The following HEATR3 variants were observed in gnomAD, a reference collection of about 807,000 sequenced individuals.
HEATR3 encodes HEAT repeat containing 3.
Under a neutral mutation model 72.8 loss-of-function variants are expected in HEATR3, and 56 were observed. The observed-to-expected ratio is 0.77, with a 90% CI of 0.62 to 0.96. HEATR3 has a LOEUF of 0.96. HEATR3 is among the 40% of genes least tolerant of loss of function. The probability of loss-of-function intolerance (pLI) is 0.00; values close to 1 mark genes in which losing one functional copy is unlikely to be tolerated. For synonymous variants in HEATR3, 331 were observed against 318.1 expected (o/e 1.04, Z -0.43); for missense variants, 747 against 831.4 (o/e 0.90, Z 1.25).
intron 12 of HEATR3, chr16:50,098,218 A>C (rs375313662): frequency 6.6e-6 from 1 of 152,196 alleles, no homozygotes; most frequent in Non-Finnish European, 1.5e-5. Flanking sequence ...AAAAAGGTAC[A>C]TTGTACCCAA....
At chr16:50,068,389 C>T (rs1308039044) in intron 2 of HEATR3, among the ~76,000 whole-genome samples, 1 of 152,154 alleles carries the variant, frequency 6.6e-6, no homozygotes, top group African/African-American at 2.4e-5. Flanking sequence ...ATCCTCCCAC[C>T]TAGGCCTCTC....
chr16:50,092,419 TTTTTTTTTTCTTTTTTC>T (rs1473848084), intron 11 of HEATR3, among the ~76,000 whole-genome samples: 1 of 79,754 alleles, frequency 1.3e-5, no homozygotes, highest in African/African-American at 3.8e-5. Flanking sequence ...CAGGTCATTC[TTTTTTTTTTCTTTTTTC>T]TTTTTTTTTT....
intron 2 of HEATR3, among the ~76,000 whole-genome samples, chr16:50,067,362 A>G (rs2036520796): frequency 6.6e-6 from 1 of 152,048 alleles, no homozygotes. Context: ...CTCAAAAAAA[A>G]AAAAAGGTGC....
At chr16:50,082,711 C>G (rs1307793684) in intron 7 of HEATR3, among the ~76,000 whole-genome samples, 1 of 138,896 alleles carries the variant, frequency 7.2e-6, no homozygotes, top group East Asian at 2.1e-4. Context: ...TACTTGAGGT[C>G]AGGATTTCAA....
At position 50,100,246 on chromosome 16, in the gene HEATR3, A is replaced by G. The variant is rs993529517; in HGVS notation, c.1616A>G (p.Gln539Arg). The G allele has an allele frequency of 3.7e-6, 6 of 1,613,886 alleles. No homozygotes were observed. The highest frequency in any genetic ancestry group is 5.1e-6 in the Non-Finnish European group (6 of 1,179,906). The change falls in exon 13 of 15, where the codon CAG becomes CGG. Residue 539 changes from glutamine to arginine, a missense_variant. Gln to Arg is a conservative substitution (Grantham distance 43). This residue lies in a region of HEATR3 where 586 missense variants were observed against 708.8 expected (regional missense o/e 0.83). Coordinates refer to ENST00000299192, the MANE Select transcript of HEATR3 (RefSeq NM_182922.4). ...TTTTAACAGTGCATGACTCCTGATC[A>G]GCTGATGACATTATGCAAAGCAGGC... ...KNISQCMTPD[Q>R]LMTLCKAGIH...
chr16:50,093,840 G>A (rs1240593467), intron 11 of HEATR3, among the ~76,000 whole-genome samples: 3 of 152,188 alleles, frequency 2.0e-5, no homozygotes, highest in African/African-American at 4.8e-5. Flanking sequence ...GCACACATGC[G>A]TCAGGGCTGG....
chr16:50,096,873 C>T (rs1029465942), intron 12 of HEATR3, among the ~76,000 whole-genome samples: 1 of 152,172 alleles, frequency 6.6e-6, no homozygotes, highest in East Asian at 1.9e-4. Flanking sequence ...TAGTCTATAG[C>T]ATTTCCCTCA....
In HEATR3 at chr16:50,083,964, A is replaced by G. The variant is rs772474268; in HGVS notation, c.1069A>G (p.Ile357Val). The G allele has an allele frequency of 8.7e-6, 14 of 1,612,042 alleles. No homozygotes were observed. The highest frequency in any genetic ancestry group is 4.5e-5 in the East Asian group (2 of 44,850). Residue 357 changes from isoleucine to valine, a missense_variant, in exon 8 of 15, where the codon ATA becomes GTA. Coordinates refer to ENST00000299192, the MANE Select transcript of HEATR3 (RefSeq NM_182922.4). ...CACTGACAAGGAACTGAGAGAGACTATAGCATTGCTGACAGCCCAACAGAC... is the reference window on the plus strand; with the variant it reads ...CACTGACAAGGAACTGAGAGAGACTGTAGCATTGCTGACAGCCCAACAGAC... ...PPTDKELRET[I>V]ALLTAQQTAL...
chr16:50,082,425 A>T (rs2036887498), intron 7 of HEATR3, among the ~76,000 whole-genome samples: 1 of 152,210 alleles, frequency 6.6e-6, no homozygotes, highest in African/African-American at 2.4e-5. Flanking sequence ...TGTCTTGTTT[A>T]GCTTTGAATC....
At chr16:50,104,071 T>C (rs2037426468) in intron 14 of HEATR3, among the ~76,000 whole-genome samples, 1 of 149,438 alleles carries the variant, frequency 6.7e-6, no homozygotes, top group Non-Finnish European at 1.5e-5. Flanking sequence ...AAACCAGCGC[T>C]GGGCATGGTG....
Position 50,102,758 on chromosome 16 carries a change from A to G in HEATR3, c.1920+323A>G, listed in dbSNP as rs1358711674. Among the ~76,000 whole-genome samples the G allele has an allele frequency of 2.0e-5, 3 of 151,916 alleles. No homozygotes were observed. In the East Asian group the frequency reaches 5.8e-4, roughly 29 times the overall value. ...TTCATACACATTTTGCATTTATTTA[A>G]TTTTACTTTTTTTTGTTTTTTTGAG... On this transcript the variant is annotated intron_variant, in intron 14 of 14. Coordinates refer to ENST00000299192, the MANE Select transcript of HEATR3 (RefSeq NM_182922.4).
chr16:50,104,803 G>A (rs2150633334), intron 14 of HEATR3, 136 bp from the exon 15 acceptor site: 1 of 676,480 alleles, frequency 1.5e-6, no homozygotes, highest in East Asian at 3.2e-5. Context: ...TACCTTGGAA[G>A]TAAAAACATT....
intron 2 of HEATR3, 123 bp from the exon 3 acceptor site, chr16:50,068,657 A>C: frequency 1.3e-6 from 1 of 741,216 alleles, no homozygotes; most frequent in Non-Finnish European, 2.3e-6. Flanking sequence ...AGCGTATGAC[A>C]GAAACAATAA....
In HEATR3 at chr16:50,078,757, A is replaced by G. The variant is rs779553766; in HGVS notation, c.780A>G (p.Leu260=). 31 of 1,611,704 alleles carry G rather than the reference A, an allele frequency of 1.9e-5. No homozygotes were observed. Among genetic ancestry groups the G allele is most frequent in the Middle Eastern group, 1.6e-4 (1 of 6,080 alleles). Residue 260 remains leucine, a synonymous_variant, in exon 7 of 15, where the codon CTA becomes CTG. Coordinates refer to ENST00000299192, the MANE Select transcript of HEATR3 (RefSeq NM_182922.4). ...TTTTCCCAGGCACAATTTGGAATCTAAAGGACATTATTCCATGCAAGAGTC... is the reference window on the plus strand; with the variant it reads ...TTTTCCCAGGCACAATTTGGAATCTGAAGGACATTATTCCATGCAAGAGTC... ...KTLVAGTIWN[L]KDIIPCKSQA...
At chr16:50,081,300 T>A (rs1175147582) in intron 7 of HEATR3, among the ~76,000 whole-genome samples, 1 of 152,006 alleles carries the variant, frequency 6.6e-6, no homozygotes, top group African/African-American at 2.4e-5. Context: ...ATTAGGTAGG[T>A]GTGGTGGCAT....
Position 50,094,789 on chromosome 16 carries a change from C to G in HEATR3, c.1595C>G (p.Ser532Cys). The change falls in exon 12 of 15, where the codon TCC (serine) becomes TGC (cysteine). Residue 532 changes from serine to cysteine, a missense_variant. Physicochemically the swap from Ser to Cys is moderately radical, Grantham distance 112. Coordinates refer to ENST00000299192, the MANE Select transcript of HEATR3 (RefSeq NM_182922.4). ...CAAACAATGGCCTCCAAGAACATTT[C>G]CCAGGTAAGAGTTTTAAAATTTTTT... is the stretch of plus-strand genomic sequence containing the variant. ...LLQTMASKNI[S>C]QCMTPDQLMT... The G allele has an allele frequency of 1.3e-6, 2 of 1,587,526 alleles. No individual in the cohort carries two copies. Among genetic ancestry groups the G allele is most frequent in the Non-Finnish European group, 1.7e-6 (2 of 1,166,474 alleles).
At chr16:50,094,578 T>TTTTG (rs137967056) in intron 11 of HEATR3, 127 bp from the exon 12 acceptor site, 7 of 536,634 alleles carry the variant, frequency 1.3e-5, no homozygotes, top group Non-Finnish European at 9.7e-6. Context: ...GAGGGTTTTT[T>TTTTG]TTTGTTTGTT....
intron 12 of HEATR3, among the ~76,000 whole-genome samples, chr16:50,097,533 G>C (rs571996942): frequency 6.6e-6 from 1 of 151,686 alleles, no homozygotes; most frequent in South Asian, 2.1e-4. Flanking sequence ...TGGCTCCTGT[G>C]CCTCTTTTAC....
chr16:50,078,792 T>C lies in HEATR3; in HGVS notation c.815T>C (p.Ile272Thr). The C allele has an allele frequency of 3.1e-6, 5 of 1,614,028 alleles. No individual in the cohort carries two copies. Among genetic ancestry groups the C allele is most frequent in the Non-Finnish European group, 4.2e-6 (5 of 1,179,986 alleles). The change falls in exon 7 of 15, where the codon ATC becomes ACC. Residue 272 changes from isoleucine (I) to threonine (T), a missense_variant. By Grantham distance (89) the Ile-to-Thr change is moderately conservative. Coordinates refer to ENST00000299192, the MANE Select transcript of HEATR3 (RefSeq NM_182922.4). ...DIIPCKSQAE[I>T]INALLKILSE... is the part of the protein sequence containing the mutation. ...ATTCCATGCAAGAGTCAAGCAGAAA[T>C]CATAAATGCCTTACTAAAGATCTTA... is the stretch of plus-strand genomic sequence containing the variant.
Sources: gnomAD v4.1 joint callset for allele counts (sites outside exome capture counted in the v4.1 genomes callset) on GRCh38, gnomAD v4.1.1 for gene constraint, gnomAD v4.1.1 regional missense constraint, MANE v1.5 for transcripts, NCBI Gene and HGNC (gene_info 2026-07-23, HGNC 2026-07-21) for gene names.